LHCGR: variants seen among roughly 807,000 people sequenced by gnomAD.
LHCGR encodes luteinizing hormone/choriogonadotropin receptor.
A neutral mutation model predicts 60.7 loss-of-function variants in LHCGR; 55 were observed. That is an observed-to-expected ratio of 0.91 (90% CI 0.73 to 1.13). The LOEUF (loss-of-function observed/expected upper bound fraction) is 1.13, where lower values mean the gene tolerates loss of function less well. Among genes scored for constraint, LHCGR ranks in the 50% most tolerant of loss-of-function variants. The pLI is 0.00. For synonymous variants in LHCGR, 337 were observed against 316.5 expected, an observed-to-expected ratio of 1.06 and a Z score of -0.69; for missense variants, 862 against 836.0, an observed-to-expected ratio of 1.03 and a Z score of -0.38.
At chr2:48,699,211 T>C (rs1402159305) in intron 8 of LHCGR, among the ~76,000 whole-genome samples, 1 of 152,200 alleles carries the variant, frequency 6.6e-6, no homozygotes, top group East Asian at 1.9e-4. Flanking sequence ...TCCATCTTGC[T>C]TTCCCCTTAA....
intron 6 of LHCGR, among the ~76,000 whole-genome samples, chr2:48,717,707 C>G (rs1668316483): frequency 6.6e-6 from 1 of 151,982 alleles, no homozygotes; most frequent in Non-Finnish European, 1.5e-5. Flanking sequence ...TCTTTCTCTT[C>G]CTGGGCAGAG....
At chr2:48,750,101 G>A (rs1572898526) in intron 1 of LHCGR, among the ~76,000 whole-genome samples, 1 of 152,294 alleles carries the variant, frequency 6.6e-6, no homozygotes, top group East Asian at 1.9e-4. Flanking sequence ...GTAGGCTAGG[G>A]AGGTGGGACA....
chr2:48,718,225 T>G (rs1031230828), intron 6 of LHCGR, among the ~76,000 whole-genome samples: 1 of 152,168 alleles, frequency 6.6e-6, no homozygotes, highest in Non-Finnish European at 1.5e-5. Flanking sequence ...ACAATAGCTG[T>G]ACCTAACTTT....
chr2:48,691,401 C>T (rs946968283), intron 10 of LHCGR, among the ~76,000 whole-genome samples: 6 of 152,118 alleles, frequency 3.9e-5, no homozygotes, highest in Admixed American at 1.3e-4. Flanking sequence ...AGGAACCTCT[C>T]GTGTTTTATT....
intron 1 of LHCGR, among the ~76,000 whole-genome samples, chr2:48,755,290 G>A (rs1473197474): frequency 2.0e-5 from 3 of 152,212 alleles, no homozygotes; most frequent in Non-Finnish European, 2.9e-5. Context: ...CCAACCAGGG[G>A]TAAAGAATGG....
At chr2:48,745,939 G>A (rs1310507814) in intron 1 of LHCGR, among the ~76,000 whole-genome samples, 3 of 152,052 alleles carry the variant, frequency 2.0e-5, no homozygotes, top group Non-Finnish European at 2.9e-5. Context: ...TTCATCACCA[G>A]TGGCACTTGC....
chr2:48,711,401 G>C (rs952408254), intron 7 of LHCGR, among the ~76,000 whole-genome samples: 1 of 152,194 alleles, frequency 6.6e-6, no homozygotes, highest in Admixed American at 6.5e-5. Context: ...CTAACACGGT[G>C]CTTAGTATAT....
chr2:48,723,066 G>A (rs1365075131), intron 6 of LHCGR, among the ~76,000 whole-genome samples: 1 of 152,154 alleles, frequency 6.6e-6, no homozygotes, highest in Non-Finnish European at 1.5e-5. Context: ...TTTCCTACTT[G>A]GAGAATATCC....
At chr2:48,721,840 G>A (rs1572862260) in intron 6 of LHCGR, 1 of 468,722 alleles carries the variant, frequency 2.1e-6, no homozygotes, top group Non-Finnish European at 4.4e-6. Flanking sequence ...TTAAATCAGG[G>A]TCACTGGGCT....
At chr2:48,721,616 G>C in intron 6 of LHCGR, 1 of 458,802 alleles carries the variant, frequency 2.2e-6, no homozygotes, top group Non-Finnish European at 4.5e-6. Flanking sequence ...GTGCACCAAG[G>C]ATACCAATTT....
intron 8 of LHCGR, among the ~76,000 whole-genome samples, chr2:48,707,220 A>G (rs925863810): frequency 1.3e-5 from 2 of 152,368 alleles, no homozygotes; most frequent in South Asian, 2.1e-4. Context: ...TATCACCAGC[A>G]GAGGCTGCAG....
At chr2:48,753,385 G>C (rs1475111179) in intron 1 of LHCGR, among the ~76,000 whole-genome samples, 1 of 152,198 alleles carries the variant, frequency 6.6e-6, no homozygotes, top group Non-Finnish European at 1.5e-5. Context: ...CCTCCACAGA[G>C]TGACAAGGGC....
chr2:48,710,441 C>G (rs563843386), intron 7 of LHCGR, among the ~76,000 whole-genome samples: 2 of 152,312 alleles, frequency 1.3e-5, no homozygotes, highest in South Asian at 4.2e-4. Flanking sequence ...AATTTCGTGA[C>G]AGAGCATTTC....
chr2:48,735,516 G>C lies in LHCGR; in HGVS notation c.162-4218C>G, dbSNP rs566391013. Reference sequence around the variant, plus strand: ...TCTCAATCACCAGATCCTGATCCCTGTATCTCTACCCCTTAGGGAACACTG... The same window carrying C: ...TCTCAATCACCAGATCCTGATCCCTCTATCTCTACCCCTTAGGGAACACTG... On this transcript the variant is annotated intron_variant, in intron 1 of 10. Transcript: ENST00000294954. Among the ~76,000 whole-genome samples, 5 of 152,274 alleles carry C rather than the reference G, an allele frequency of 3.3e-5. No homozygotes were observed. The South Asian group carries it at 1.0e-3, about 32-fold the overall frequency.
chr2:48,707,140 C>T (rs540067998), intron 8 of LHCGR, among the ~76,000 whole-genome samples: 2 of 152,352 alleles, frequency 1.3e-5, no homozygotes, highest in South Asian at 4.1e-4. Flanking sequence ...TTCCTTCTAA[C>T]AGTCAGGCCC....
chr2:48,701,434 C>G (rs1387286287), intron 8 of LHCGR, among the ~76,000 whole-genome samples: 1 of 152,194 alleles, frequency 6.6e-6, no homozygotes, highest in Non-Finnish European at 1.5e-5. Flanking sequence ...TTCAAATACA[C>G]AAGGCAAGAT....
rs1466550566 is a variant in LHCGR at position 48,725,656 on chromosome 2, TA to T, written c.383+19del. The T allele has an allele frequency of 1.3e-6, 2 of 1,590,832 alleles. No individual in the cohort carries two copies. Among genetic ancestry groups the T allele is most frequent in the Non-Finnish European group, 1.7e-6 (2 of 1,159,068 alleles). ...GCCCATCTTCCCCTCCCCAATTGCT[TA>T]AAAAGGAAAATTTCTCACAAGTATT... On this transcript the variant is annotated intron_variant, in intron 4 of 10. Transcript: ENST00000294954.
chr2:48,733,861 T>C (rs865920669), intron 1 of LHCGR, among the ~76,000 whole-genome samples: 9 of 152,330 alleles, frequency 5.9e-5, no homozygotes, highest in Middle Eastern at 6.8e-3. Context: ...AATTTATTAA[T>C]AAAGTTTATG....
At chr2:48,725,846 A>T in intron 3 of LHCGR, 96 bp from the exon 4 acceptor site, 58 of 970,550 alleles carry the variant, frequency 6.0e-5, no homozygotes, top group East Asian at 1.3e-4. Flanking sequence ...CTGGCTGAAA[A>T]TGGCATCAGC....
Sources: allele counts gnomAD v4.1 joint callset (sites outside exome capture counted in the v4.1 genomes callset), GRCh38; gene constraint gnomAD v4.1.1; transcripts MANE v1.5; gene names NCBI Gene and HGNC (gene_info 2026-07-23, HGNC 2026-07-21).